SETD1B: variants seen among roughly 807,000 people sequenced by gnomAD.
SETD1B encodes SET domain containing 1B, histone lysine methyltransferase, also known as histone-lysine N-methyltransferase SETD1B.
A neutral mutation model predicts 148.0 loss-of-function variants in SETD1B; 7 were observed. That is an observed-to-expected ratio of 0.05 (90% confidence interval 0.03 to 0.09). The LOEUF (loss-of-function observed/expected upper bound fraction) is 0.09. SETD1B is among the 10% of genes least tolerant of loss of function. The pLI is 1.00. For missense variants in SETD1B, 2,155 were observed against 2,729.9 expected, an observed-to-expected ratio of 0.79 and a Z score of 4.69; for synonymous variants, 1,361 against 1,186.5, an observed-to-expected ratio of 1.15 and a Z score of -3.02.
rs1875642469 is a variant in SETD1B at position 121,804,808 on chromosome 12, G to A, written c.71G>A (p.Arg24Lys). The stretch of plus-strand genomic sequence containing the variant: ...CCGCAGCCCGGCCCTTCGGGCGAGA[G>A]GAGGAACCACCATTGGAGAAGTTAC... ...PPPQPGPSGE[R>K]RNHHWRSYKL... Residue 24 changes from arginine (R) to lysine (K), a missense_variant, in exon 2 of 17, where the codon AGG (arginine) becomes AAG (lysine). By Grantham distance (26) the Arg-to-Lys change is conservative (BLOSUM62 2). Transcript: ENST00000604567. The surrounding 1 kb of genome is among the most constrained non-coding windows in gnomAD (Gnocchi z 4.6). 6.4e-7 allele frequency: 1 copy of A among 1,550,758 alleles called. No individual in the cohort carries two copies. The highest frequency in any genetic ancestry group is 1.4e-5 in the African/African-American group (1 of 72,910).
Position 121,825,280 on chromosome 12 carries a change from G to A in SETD1B, c.5251G>A (p.Gly1751Ser). ...CGTGACGGGCTGTGCCCGCAGTGAGGGCTTCTACACCATCGACAAGAAGGA... is the reference window on the plus strand; with the variant it reads ...CGTGACGGGCTGTGCCCGCAGTGAGAGCTTCTACACCATCGACAAGAAGGA... ...EHVTGCARSE[G>S]FYTIDKKDKL... Residue 1751 changes from glycine to serine, a missense_variant, in exon 13 of 17, where the codon GGC becomes AGC. Gly to Ser is a moderately conservative substitution (Grantham distance 56). Coordinates refer to ENST00000604567, the MANE Select transcript of SETD1B (RefSeq NM_001353345.2). The A allele has an allele frequency of 6.4e-7, 1 of 1,551,862 alleles. No homozygotes were observed. Among genetic ancestry groups the A allele is most frequent in the Non-Finnish European group, 8.7e-7 (1 of 1,147,066 alleles).
intron 4 of SETD1B, among the ~76,000 whole-genome samples, chr12:121,807,820 C>G (rs1875823583): frequency 6.6e-6 from 1 of 151,988 alleles, no homozygotes; most frequent in Admixed American, 6.5e-5. Flanking sequence ...CACGGGCTTC[C>G]CTTCCTCTTA....
intron 10 of SETD1B, 53 bp from the exon 11 acceptor site, chr12:121,819,351 G>A: frequency 6.5e-7 from 1 of 1,548,958 alleles, no homozygotes; most frequent in Non-Finnish European, 8.7e-7. Flanking sequence ...GTCTGGTGGG[G>A]GCTGGGGCAC....
At position 121,823,091 on chromosome 12, in the gene SETD1B, G is replaced by GCCCGCC; in HGVS notation, c.4516_4521dup (p.Ala1506_Pro1507dup). 7.5e-7 allele frequency: 1 copy of GCCCGCC among 1,327,298 alleles called. No homozygotes were observed. The highest frequency in any genetic ancestry group is 2.9e-5 in the East Asian group (1 of 34,436). 82.2% of individuals were successfully genotyped at this position (1,327,298 alleles called of 1,614,324 possible). ...CGCCCACCCCGCTGCCACCCCTGCT[G>GCCCGCC]CCCGCCCCCCTGGCCTCTTGCCCTC... On this transcript the variant is annotated inframe_insertion, in exon 12 of 17. Coordinates refer to ENST00000604567, the MANE Select transcript of SETD1B (RefSeq NM_001353345.2).
intron 16 of SETD1B, among the ~76,000 whole-genome samples, chr12:121,828,325 T>C (rs1345501312): frequency 6.6e-6 from 1 of 152,246 alleles, no homozygotes; most frequent in Non-Finnish European, 1.5e-5. Flanking sequence ...AAAGAAGTGG[T>C]TGGTTCAGTT....
At position 121,810,069 on chromosome 12, in the gene SETD1B, C is replaced by T. The variant is rs1171598788; in HGVS notation, c.1124C>T (p.Ser375Leu). The T allele has an allele frequency of 6.5e-7, 1 of 1,550,148 alleles. No individual in the cohort carries two copies. The highest frequency in any genetic ancestry group is 8.7e-7 in the Non-Finnish European group (1 of 1,146,932). The change falls in exon 6 of 17, where the codon TCA becomes TTA. Residue 375 changes from serine to leucine, a missense_variant. Ser to Leu is a moderately radical substitution (Grantham distance 145). Around this residue, in one of 11 missense-constraint regions of SETD1B, gnomAD observed 376 missense variants for 385.0 expected, o/e 0.98. Transcript: ENST00000604567. This position sits in a 1 kb window ranked among gnomAD's most constrained non-coding sequence, Gnocchi z 7.6. ...CCGTTCAAGGCTCAACCACAGGATT[C>T]AGCCACATTTGCCCACACTCCACCA... ...GPPFKAQPQD[S>L]ATFAHTPPPA...
In SETD1B at chr12:121,804,982, AC is replaced by A; in HGVS notation, c.174+77del. On this transcript the variant is annotated intron_variant, in intron 2 of 16. Transcript: ENST00000604567. The surrounding 1 kb of genome is among the most constrained non-coding windows in gnomAD (Gnocchi z 4.6). Reference sequence around the variant, plus strand: ...GGGGAGACGCGCCTAGCGGCCAGGGACCCCCCGCCCGATCCCCCGGCCAACT... The same window carrying A: ...GGGGAGACGCGCCTAGCGGCCAGGGACCCCCGCCCGATCCCCCGGCCAACT... 2 of 1,461,434 alleles carry A rather than the reference AC, an allele frequency of 1.4e-6. No individual in the cohort carries two copies. Among genetic ancestry groups the A allele is most frequent in the Middle Eastern group, 2.0e-4 (1 of 5,058 alleles). 90.5% of individuals were successfully genotyped at this position (1,461,434 alleles called of 1,614,324 possible).
the SETD1B span, chr12:121,793,445 C>T: frequency 3.3e-6 from 5 of 1,533,806 alleles, no homozygotes; most frequent in Non-Finnish European, 3.5e-6. Context: ...GCTCTGGGCT[C>T]AGGGTAAGGG....
Position 121,823,425 on chromosome 12 carries a change from G to A in SETD1B, c.4846G>A (p.Glu1616Lys), listed in dbSNP as rs1430992129. 9.1e-6 allele frequency: 14 copies of A among 1,541,242 alleles called. No individual in the cohort carries two copies. Among genetic ancestry groups the A allele is most frequent in the East Asian group, 4.9e-5 (2 of 40,500 alleles). Reference sequence around the variant, plus strand: ...GGAGCTAGACAACCAGTGGCCCTCCGAGGCCATTCCTCCGGGCCCCCGTGG... The same window carrying A: ...GGAGCTAGACAACCAGTGGCCCTCCAAGGCCATTCCTCCGGGCCCCCGTGG... The part of the protein sequence containing the change: ...FKELDNQWPS[E>K]AIPPGPRGRD... Residue 1616 changes from glutamate (E) to lysine (K), a missense_variant, in exon 12 of 17, where the codon GAG becomes AAG. Coordinates refer to ENST00000604567, the MANE Select transcript of SETD1B (RefSeq NM_001353345.2).
At chr12:121,815,045 T>C in intron 7 of SETD1B, 115 bp downstream of exon 7, 1 of 970,624 alleles carries the variant, frequency 1.0e-6, no homozygotes, top group Non-Finnish European at 1.5e-6. Context: ...TGGACCCCAC[T>C]ATGGGAGCTC....
At chr12:121,791,024 C>T in the SETD1B span, among the ~76,000 whole-genome samples, 1 of 151,938 alleles carries the variant, frequency 6.6e-6, no homozygotes, top group Admixed American at 6.6e-5. Flanking sequence ...TAGGTATGTG[C>T]CAACACGCCT....
At chr12:121,825,050 G>A in intron 12 of SETD1B, 150 bp from the exon 13 acceptor site, 1 of 705,110 alleles carries the variant, frequency 1.4e-6, no homozygotes, top group Non-Finnish European at 2.3e-6. Context: ...GGGTTGGTCA[G>A]CGGGCAGCCA....
intron 15 of SETD1B, 34 bp from the exon 16 acceptor site, chr12:121,827,899 C>G: frequency 5.8e-6 from 9 of 1,552,330 alleles, no homozygotes; most frequent in Non-Finnish European, 7.8e-6. Context: ...GGCATGGGGC[C>G]GGCCCAGCCA....
chr12:121,792,437 G>A, the SETD1B span, among the ~76,000 whole-genome samples: 5 of 152,196 alleles, frequency 3.3e-5, no homozygotes, highest in African/African-American at 7.2e-5. Context: ...ACATAAATCC[G>A]TAAACCACCC....
upstream of SETD1B, chr12:121,799,683 G>T (rs980112688): frequency 1.4e-5 from 2 of 142,570 alleles, no homozygotes; most frequent in Non-Finnish European, 1.5e-5. Flanking sequence ...GGATGGCCCC[G>T]GCGGCCCAGC....
At position 121,817,671 on chromosome 12, in the gene SETD1B, C is replaced by G; in HGVS notation, c.3279C>G (p.Leu1093=). 2 of 1,550,154 alleles carry G rather than the reference C, an allele frequency of 1.3e-6. No individual in the cohort carries two copies. The highest frequency in any genetic ancestry group is 1.7e-6 in the Non-Finnish European group (2 of 1,146,272). Residue 1093 remains leucine, a synonymous_variant, in exon 9 of 17, where the codon CTC becomes CTG. Transcript: ENST00000604567. This position sits in a 1 kb window ranked among gnomAD's most constrained non-coding sequence, Gnocchi z 8.1. ...AGGAGGAAGTCCCCAGGAGCCAGCT[C>G]TCCTCCTCCTCAACCTCATCCACAT... is the stretch of plus-strand genomic sequence containing the variant. ...EEEEEVPRSQ[L]SSSSTSSTSD...
intron 6 of SETD1B, among the ~76,000 whole-genome samples, chr12:121,812,977 C>G (rs74320985): frequency 0.012 from 1,814 of 152,166 alleles, 31 homozygotes; most frequent in African/African-American, 0.041. Context: ...AAGGTCCCCC[C>G]ACCCCAAGTC....
intron 4 of SETD1B, among the ~76,000 whole-genome samples, chr12:121,807,163 C>T (rs926491194): frequency 5.9e-5 from 9 of 152,114 alleles, no homozygotes; most frequent in African/African-American, 9.7e-5. Flanking sequence ...AGCTCTAAGC[C>T]GGTGCCGGGG....
At chr12:121,828,133 AGGAGGGCCTGGAAGCCCCGGCACG>A (rs1341191118) in intron 16 of SETD1B, 63 bp downstream of exon 16, 4 of 1,534,040 alleles carry the variant, frequency 2.6e-6, no homozygotes, top group Non-Finnish European at 3.5e-6. Context: ...CTTCTGTGCC[AGGAGGGCCTGGAAGCCCCGGCACG>A]GGAATCAGCT....
Sources: gnomAD v4.1 joint callset for allele counts (sites outside exome capture counted in the v4.1 genomes callset) on GRCh38, gnomAD v4.1.1 for gene constraint, gnomAD v4.1.1 regional missense constraint, Gnocchi (gnomAD v3.1) non-coding constraint, MANE v1.5 for transcripts, NCBI Gene and HGNC (gene_info 2026-07-23, HGNC 2026-07-21) for gene names.